Variants in RERE observed in about 807,000 individuals in gnomAD.
RERE encodes the protein arginine-glutamic acid dipeptide repeats, also known as arginine-glutamic acid dipeptide repeats protein.
RERE carries 40 observed loss-of-function variants against 146.1 expected under a neutral mutation model. The observed-to-expected ratio is 0.27, with a 90% CI of 0.21 to 0.36. RERE has a LOEUF of 0.36. RERE is among the 10% of genes least tolerant of loss of function. RERE has a pLI of 1.00. For missense variants in RERE, 1,933 were observed against 2,138.7 expected (o/e 0.90, Z 1.90); for synonymous variants, 1,003 against 866.0 (o/e 1.16, Z -2.78).
intron 10 of RERE, among the ~76,000 whole-genome samples, chr1:8,479,807 T>TA (rs1644807103): frequency 1.3e-5 from 2 of 152,180 alleles, no homozygotes; most frequent in Non-Finnish European, 2.9e-5. Context: ...GGTAATTTGT[T>TA]ACAGTAGCCA....
At chr1:8,767,735 G>T (rs1250810096) in intron 1 of RERE, among the ~76,000 whole-genome samples, 1 of 151,992 alleles carries the variant, frequency 6.6e-6, no homozygotes, top group East Asian at 1.9e-4. Flanking sequence ...GCCAAGGCAG[G>T]CGGATCACTT....
chr1:8,423,583 C>T lies in RERE; in HGVS notation c.1204-776G>A. ...CACCTCGGGGCTCCCAGCCTGGTCC[C>T]GGGCGGCCGACCCCAGCAGCCACAG... On this transcript the variant is annotated intron_variant, in intron 11 of 22. Transcript: ENST00000400908. This position sits in a 1 kb window ranked among gnomAD's most constrained non-coding sequence, Gnocchi z 5.4. 1 of 985,250 alleles carries T rather than the reference C, an allele frequency of 1.0e-6. No individual in the cohort carries two copies. The allele number at this position is 985,250 out of a possible 1,614,324, so 61.0% of individuals were successfully genotyped here. A position where few individuals can be genotyped will look rare whatever the true frequency, so the allele number is the denominator to read the frequency against.
At chr1:8,629,522 T>G (rs779498154) in intron 2 of RERE, among the ~76,000 whole-genome samples, 4 of 152,096 alleles carry the variant, frequency 2.6e-5, no homozygotes, top group Non-Finnish European at 5.9e-5. Flanking sequence ...TTTTCAACCC[T>G]CAGCAAATCA....
chr1:8,678,049 G>A (rs1453482185), intron 1 of RERE, among the ~76,000 whole-genome samples: 2 of 152,180 alleles, frequency 1.3e-5, no homozygotes, highest in Non-Finnish European at 2.9e-5. Flanking sequence ...CAAAGGGCCT[G>A]CAGCCCTCCG....
chr1:8,810,046 C>CCCA (rs1240776921), intron 1 of RERE, among the ~76,000 whole-genome samples: 23 of 151,952 alleles, frequency 1.5e-4, no homozygotes, highest in Non-Finnish European at 4.4e-5. Flanking sequence ...TGCTCTGTCG[C>CCCA]CCAGGCTGGA....
rs1312573833 is a variant in RERE, at chr1:8,557,283, A to C, written c.628+135T>G. The C allele has an allele frequency of 4.9e-6, 3 of 615,858 alleles. No homozygotes were observed. The East Asian group carries it at 8.5e-5, about 18-fold the overall frequency. 38.1% of individuals were successfully genotyped at this position (615,858 alleles called of 1,614,324 possible). ...CGTGACTAACTGGTAGCCAATGTGA[A>C]TCATCAAGCATAAGGCCTACCAACA... On this transcript the variant is annotated intron_variant, in intron 5 of 22. Coordinates refer to ENST00000400908, the MANE Select transcript of RERE (RefSeq NM_001042681.2).
rs1553135219 is a variant in RERE, at chr1:8,694,977, G to GGA, written c.-144-38537_-144-38536insTC. Among the ~76,000 whole-genome samples the GGA allele has an allele frequency of 1.2e-4, 15 of 127,632 alleles. 3 individuals are homozygous for GGA. In the East Asian group the frequency reaches 2.3e-3, roughly 19 times the overall value. 83.7% of individuals were successfully genotyped at this position (127,632 alleles called of 152,430 possible). ...CAAAGAGCCAAAGAAATCCTAAGGG[G>GGA]GGGGGGGGAATGCTGGCAGCATCAC... On this transcript the variant is annotated intron_variant, in intron 1 of 22. Coordinates refer to ENST00000400908, the MANE Select transcript of RERE (RefSeq NM_001042681.2).
Position 8,360,682 on chromosome 1 carries a change from GGCGCCGGCA to G in RERE, c.2816_2824del (p.Leu939_Ala941del). ...GTGGGGAGGGTGCTTGTGGGCCTGT[GGCGCCGGCA>G]GCTGGGGGATGGGAGTGGTAGGCGG... On this transcript the variant is annotated inframe_deletion, in exon 18 of 23. Coordinates refer to ENST00000400908, the MANE Select transcript of RERE (RefSeq NM_001042681.2). 2 of 1,551,668 alleles carry G rather than the reference GGCGCCGGCA, an allele frequency of 1.3e-6. No homozygotes were observed. The highest frequency in any genetic ancestry group is 1.7e-6 in the Non-Finnish European group (2 of 1,149,962).
At chr1:8,398,407 T>G (rs1199001154) in intron 12 of RERE, among the ~76,000 whole-genome samples, 1 of 152,006 alleles carries the variant, frequency 6.6e-6, no homozygotes, top group East Asian at 1.9e-4. Flanking sequence ...GTTCTCACCA[T>G]CTCCCCATCA....
intron 1 of RERE, among the ~76,000 whole-genome samples, chr1:8,814,847 C>A (rs1289605029): frequency 6.6e-6 from 1 of 152,132 alleles, no homozygotes; most frequent in Admixed American, 6.5e-5. Context: ...TGGGAAGTCA[C>A]AAAGTGTAAA....
chr1:8,745,446 A>T (rs1471269392), intron 1 of RERE, among the ~76,000 whole-genome samples: 1 of 152,184 alleles, frequency 6.6e-6, no homozygotes, highest in Non-Finnish European at 1.5e-5. Flanking sequence ...AACTACTGAC[A>T]CTTGGCATGT....
At chr1:8,747,383 G>C (rs1640443915) in intron 1 of RERE, among the ~76,000 whole-genome samples, 1 of 152,132 alleles carries the variant, frequency 6.6e-6, no homozygotes, top group African/African-American at 2.4e-5. Context: ...AGTGGGAGGT[G>C]GGCAGGGAGA....
chr1:8,791,955 T>C (rs1003272136), intron 1 of RERE, among the ~76,000 whole-genome samples: 1 of 152,164 alleles, frequency 6.6e-6, no homozygotes, highest in Non-Finnish European at 1.5e-5. Flanking sequence ...AGGCCGGGCA[T>C]GATAGTTCAC....
chr1:8,593,657 T>C (rs1646521333), intron 4 of RERE, among the ~76,000 whole-genome samples: 1 of 152,258 alleles, frequency 6.6e-6, no homozygotes, highest in Admixed American at 6.5e-5. Context: ...CTGGCTGGGA[T>C]GGAGGACCAG....
chr1:8,483,030 A>G (rs555804116), intron 10 of RERE, among the ~76,000 whole-genome samples: 2 of 152,366 alleles, frequency 1.3e-5, no homozygotes, highest in African/African-American at 4.8e-5. Flanking sequence ...CTGTTATTAC[A>G]TAAATAAAAC....
At chr1:8,691,731 G>A (rs970981148) in intron 1 of RERE, among the ~76,000 whole-genome samples, 1 of 152,144 alleles carries the variant, frequency 6.6e-6, no homozygotes. Context: ...ATAACCATCA[G>A]GAGAGCCTAT....
intron 12 of RERE, among the ~76,000 whole-genome samples, chr1:8,411,107 T>G (rs1317146789): frequency 1.3e-5 from 2 of 152,214 alleles, no homozygotes; most frequent in East Asian, 3.8e-4. Flanking sequence ...AAGAAAATGG[T>G]ACACTTTTGT....
At chr1:8,523,109 G>A (rs1449538751) in intron 7 of RERE, among the ~76,000 whole-genome samples, 1 of 151,260 alleles carries the variant, frequency 6.6e-6, no homozygotes, top group Non-Finnish European at 1.5e-5. Flanking sequence ...GCCTAGGGAG[G>A]TCCCCAGGGA....
intron 1 of RERE, among the ~76,000 whole-genome samples, chr1:8,696,528 C>T (rs1024488821): frequency 1.3e-4 from 19 of 150,150 alleles, no homozygotes; most frequent in African/African-American, 4.7e-4. Context: ...GCAAAAGAAT[C>T]GCTTGCACCC....
Sources: gnomAD v4.1 joint callset for allele counts (sites outside exome capture counted in the v4.1 genomes callset) on GRCh38, gnomAD v4.1.1 for gene constraint, Gnocchi (gnomAD v3.1) non-coding constraint, MANE v1.5 for transcripts, NCBI Gene and HGNC (gene_info 2026-07-23, HGNC 2026-07-21) for gene names.